CENPE: variants seen among roughly 807,000 people sequenced by gnomAD.
CENPE encodes the protein centromere protein E.
In CENPE, 145 loss-of-function variants were observed where a neutral mutation model predicts 336.1. The observed-to-expected ratio is 0.43, with a 90% CI of 0.38 to 0.50. The LOEUF (loss-of-function observed/expected upper bound fraction) is 0.50. Among genes scored for constraint, CENPE ranks in the 20% least tolerant of loss-of-function variants. CENPE has a pLI of 0.00. For missense variants in CENPE, 2,719 were observed against 3,023.3 expected (o/e 0.90, Z 2.36); for synonymous variants, 1,013 against 984.8 (o/e 1.03, Z -0.54).
chr4:103,114,704 C>T, intron 45 of CENPE, 152 bp from the exon 46 acceptor site: 1 of 609,322 alleles, frequency 1.6e-6, no homozygotes, highest in Non-Finnish European at 2.9e-6. Flanking sequence ...CTCTCTGGTG[C>T]CATGTGCCTT....
intron 25 of CENPE, among the ~76,000 whole-genome samples, chr4:103,152,267 A>T (rs1243311365): frequency 6.6e-6 from 1 of 152,244 alleles, no homozygotes; most frequent in Non-Finnish European, 1.5e-5. Context: ...TAGAAGCATA[A>T]GAAAAAATGT....
chr4:103,118,821 T>G (rs1371770232), intron 44 of CENPE, among the ~76,000 whole-genome samples: 1 of 152,242 alleles, frequency 6.6e-6, no homozygotes, highest in Non-Finnish European at 1.5e-5. Flanking sequence ...TCTCCCAGAA[T>G]AGAAATGAGA....
intron 42 of CENPE, among the ~76,000 whole-genome samples, chr4:103,124,267 C>G (rs1358482745): frequency 1.3e-5 from 2 of 152,104 alleles, no homozygotes; most frequent in East Asian, 3.9e-4. Flanking sequence ...CATTCTAAAA[C>G]AGTACTTTAA....
chr4:103,145,441 T>G, intron 31 of CENPE, 82 bp downstream of exon 31: 2 of 1,409,276 alleles, frequency 1.4e-6, no homozygotes, highest in South Asian at 1.4e-5. Flanking sequence ...CAATTAAGCA[T>G]GCCAAATAGT....
chr4:103,192,509 T>C (rs1757441637), intron 8 of CENPE, among the ~76,000 whole-genome samples: 1 of 152,148 alleles, frequency 6.6e-6, no homozygotes, highest in African/African-American at 2.4e-5. Flanking sequence ...GAGACAAGGT[T>C]CCAGGAGACT....
chr4:103,139,937 T>C lies in CENPE; in HGVS notation c.6056A>G (p.Asp2019Gly). The C allele has an allele frequency of 4.3e-6, 7 of 1,613,452 alleles. No homozygotes were observed. In the African/African-American group the frequency reaches 6.7e-5, roughly 15 times the overall value. ...AAGTTTCTTAGTCAACTGGAAGTTATCCATTCTCACACTTTGCATAGATAA... is the reference window on the plus strand; with the variant it reads ...AAGTTTCTTAGTCAACTGGAAGTTACCCATTCTCACACTTTGCATAGATAA... ...QNLSMQSVRM[D>G]NFQLTKKLHE... Residue 2019 changes from aspartate to glycine, a missense_variant, in exon 38 of 49, where the codon GAT becomes GGT. By Grantham distance (94) the Asp-to-Gly change is moderately conservative (BLOSUM62 -1). Around this residue, in one of 5 missense-constraint regions of CENPE, gnomAD observed 2,437 missense variants for 2,513.3 expected, o/e 0.97. Coordinates refer to ENST00000265148, the MANE Select transcript of CENPE (RefSeq NM_001813.3).
chr4:103,133,072 T>C (rs1387164936), intron 41 of CENPE, among the ~76,000 whole-genome samples, 176 bp from the exon 42 acceptor site: 1 of 151,106 alleles, frequency 6.6e-6, no homozygotes, highest in East Asian at 1.9e-4. Flanking sequence ...CTAAGAAATA[T>C]AATTGTAAGT....
intron 43 of CENPE, among the ~76,000 whole-genome samples, chr4:103,122,385 T>C (rs542639307): frequency 6.6e-6 from 1 of 152,358 alleles, no homozygotes; most frequent in East Asian, 1.9e-4. Context: ...GTACTGGTTC[T>C]TAGATACAAG....
chr4:103,182,925 T>C (rs1264368052), intron 10 of CENPE, 34 bp from the exon 11 acceptor site: 3 of 1,594,994 alleles, frequency 1.9e-6, no homozygotes, highest in Admixed American at 3.4e-5. Context: ...GAGAAAAAGA[T>C]TGAGAACGTT....
In CENPE at chr4:103,176,953, T is replaced by A. The variant is rs560729457; in HGVS notation, c.1336A>T (p.Ile446Leu). The A allele has an allele frequency of 6.2e-6, 10 of 1,601,116 alleles. No homozygotes were observed. The Admixed American group carries it at 1.4e-4, about 22-fold the overall frequency. ...YADQFNIPTN[I>L]TTKTHKLSIN... ...GAAAGCTTATGTGTTTTTGTTGTTATATTTGTTGGTATATTAAATTGATCT... is the reference window on the plus strand; with the variant it reads ...GAAAGCTTATGTGTTTTTGTTGTTAAATTTGTTGGTATATTAAATTGATCT... The change falls in exon 14 of 49, where the codon ATA becomes TTA. Residue 446 changes from isoleucine (I) to leucine (L), a missense_variant. Physicochemically the swap from Ile to Leu is conservative, Grantham distance 5. Transcript: ENST00000265148.
At chr4:103,195,271 A>C in intron 4 of CENPE, 38 bp from the exon 5 acceptor site, 1 of 1,545,166 alleles carries the variant, frequency 6.5e-7, no homozygotes, top group East Asian at 2.4e-5. Flanking sequence ...ACCAGGAAGC[A>C]TCCAATTGTG....
intron 42 of CENPE, among the ~76,000 whole-genome samples, chr4:103,128,239 T>C (rs1410879385): frequency 6.6e-6 from 1 of 152,168 alleles, no homozygotes; most frequent in East Asian, 1.9e-4. Flanking sequence ...TTATTTTGCA[T>C]GCACCTAACA....
intron 46 of CENPE, 136 bp downstream of exon 46, chr4:103,114,319 A>T: frequency 1.8e-6 from 1 of 567,392 alleles, no homozygotes; most frequent in Non-Finnish European, 3.1e-6. Flanking sequence ...GGTTCCAATA[A>T]ATTCATTTAA....
intron 41 of CENPE, 106 bp downstream of exon 41, chr4:103,133,589 T>A: frequency 1.3e-6 from 1 of 786,798 alleles, no homozygotes; most frequent in Non-Finnish European, 2.0e-6. Context: ...TGCAACGTAT[T>A]TTTAATTTCT....
chr4:103,131,783 A>T (rs1751609239), intron 42 of CENPE, among the ~76,000 whole-genome samples: 1 of 152,196 alleles, frequency 6.6e-6, no homozygotes, highest in African/African-American at 2.4e-5. Context: ...GAAATAAGCT[A>T]TGAAACCATG....
At chr4:103,121,716 T>A (rs2125867211) in intron 43 of CENPE, among the ~76,000 whole-genome samples, 1 of 151,860 alleles carries the variant, frequency 6.6e-6, no homozygotes, top group African/African-American at 2.4e-5. Flanking sequence ...ACCTGGATAA[T>A]ATATTAAAAA....
Position 103,114,521 on chromosome 4 carries a change from G to C in CENPE, c.7474C>G (p.Gln2492Glu). 6.2e-7 allele frequency: 1 copy of C among 1,610,680 alleles called. No individual in the cohort carries two copies. The highest frequency in any genetic ancestry group is 8.5e-7 in the Non-Finnish European group (1 of 1,178,486). Residue 2492 changes from glutamine to glutamate, a missense_variant, in exon 46 of 49, where the codon CAA becomes GAA. By Grantham distance (29) the Gln-to-Glu change is conservative. Coordinates refer to ENST00000265148, the MANE Select transcript of CENPE (RefSeq NM_001813.3). Reference protein sequence around the residue: ...ISATKATVEYQKEVIRLLREN... With the variant: ...ISATKATVEYEKEVIRLLREN... The stretch of plus-strand genomic sequence containing the variant: ...CTCAATAGCCTTATAACTTCCTTTT[G>C]ATATTCTACAGTGGCTTTTGTAGCA...
chr4:103,170,260 G>A (rs1050712762), intron 16 of CENPE, among the ~76,000 whole-genome samples: 1 of 152,044 alleles, frequency 6.6e-6, no homozygotes, highest in African/African-American at 2.4e-5. Flanking sequence ...TTATGCACAT[G>A]TACCCCAGAA....
intron 46 of CENPE, 21 bp downstream of exon 46, chr4:103,114,434 A>G (rs1454481539): frequency 3.5e-6 from 5 of 1,417,144 alleles, no homozygotes; most frequent in South Asian, 1.1e-5. Flanking sequence ...TCATCTGAAA[A>G]TATCTGCATT....
Sources: allele counts gnomAD v4.1 joint callset (sites outside exome capture counted in the v4.1 genomes callset), GRCh38; gene constraint gnomAD v4.1.1; regional missense constraint gnomAD v4.1.1; transcripts MANE v1.5; gene names NCBI Gene and HGNC (gene_info 2026-07-23, HGNC 2026-07-21).